The following ZNF763 variants were observed in gnomAD, a reference collection of about 807,000 sequenced individuals.
The protein encoded by ZNF763 is DNA-binding protein.
Under a neutral mutation model 38.0 loss-of-function variants are expected in ZNF763, and 33 were observed. The observed-to-expected ratio is 0.87, with a 90% CI of 0.66 to 1.16. The LOEUF is 1.16. ZNF763 is among the 50% of genes most tolerant of loss of function. The pLI is 0.00. For synonymous variants in ZNF763, 155 were observed against 160.1 expected, an observed-to-expected ratio of 0.97 and a Z score of 0.24; for missense variants, 423 against 469.1, an observed-to-expected ratio of 0.90 and a Z score of 0.91.
At position 11,978,528 on chromosome 19, in the gene ZNF763, T is replaced by C. The variant is rs1191986577; in HGVS notation, c.604T>C (p.Cys202Arg). 4 of 1,614,220 alleles carry C rather than the reference T, an allele frequency of 2.5e-6. No individual in the cohort carries two copies. The highest frequency in any genetic ancestry group is 3.3e-5 in the Admixed American group (2 of 60,024). ...VMHSGDGPYK[C>R]KFCGKAVHCL... ...GCACAGTGGGGATGGACCTTATAAATGTAAGTTTTGTGGGAAAGCTGTCCA... is the reference window on the plus strand; with the variant it reads ...GCACAGTGGGGATGGACCTTATAAACGTAAGTTTTGTGGGAAAGCTGTCCA... Residue 202 changes from cysteine (C) to arginine (R), a missense_variant, in exon 4 of 4, where the codon TGT becomes CGT. Physicochemically the swap from Cys to Arg is radical, Grantham distance 180. Coordinates refer to ENST00000358987, the MANE Select transcript of ZNF763 (RefSeq NM_001367172.2).
chr19:11,970,346 A>G lies in ZNF763; in HGVS notation c.3+5135A>G, dbSNP rs142231105. On this transcript the variant is annotated intron_variant, in intron 1 of 3. Transcript: ENST00000358987. ...GCTGAGTAAGTCCCATATGTGAGTT[A>G]ACCACATGGAGGAACTGGGAGGAGG... Among the ~76,000 whole-genome samples, 33 of 152,364 alleles carry G rather than the reference A, an allele frequency of 2.2e-4. No individual in the cohort carries two copies. The East Asian group carries it at 6.4e-3, about 29-fold the overall frequency.
rs932952578 is a variant in ZNF763, at chr19:11,965,132, G to C, written c.-77G>C. ...TGGTACCTCTACCCAGGTTTCTATC[G>C]CTCTGTCTCCTGCGCTGTGCCCTTC... On this transcript the variant is annotated 5_prime_UTR_variant, in exon 1 of 4. Transcript: ENST00000358987. 6.2e-6 allele frequency: 10 copies of C among 1,603,132 alleles called. No individual in the cohort carries two copies. Among genetic ancestry groups the C allele is most frequent in the Non-Finnish European group, 8.5e-6 (10 of 1,170,738 alleles).
chr19:11,967,035 T>A (rs576258704), intron 1 of ZNF763, among the ~76,000 whole-genome samples: 2 of 151,890 alleles, frequency 1.3e-5, no homozygotes, highest in South Asian at 4.2e-4. Flanking sequence ...GTGTAGAGAG[T>A]TTATTGAAAG....
intron 1 of ZNF763, among the ~76,000 whole-genome samples, chr19:11,970,544 A>G (rs1973329828): frequency 6.6e-6 from 1 of 152,250 alleles, no homozygotes; most frequent in Non-Finnish European, 1.5e-5. Flanking sequence ...TAGTAGATTG[A>G]TTATTCTCCT....
In ZNF763 at chr19:11,965,133, C is replaced by T; in HGVS notation, c.-76C>T. On this transcript the variant is annotated 5_prime_UTR_variant, in exon 1 of 4. Transcript: ENST00000358987. ...GGTACCTCTACCCAGGTTTCTATCG[C>T]TCTGTCTCCTGCGCTGTGCCCTTCT... 1 of 1,604,022 alleles carries T rather than the reference C, an allele frequency of 6.2e-7. No homozygotes were observed. The highest frequency in any genetic ancestry group is 1.1e-5 in the South Asian group (1 of 90,868).
Position 11,979,623 on chromosome 19 carries a change from C to A in ZNF763, c.*514C>A. On this transcript the variant is annotated 3_prime_UTR_variant, in exon 4 of 4. Transcript: ENST00000358987. Reference sequence around the variant, plus strand: ...GAAAGGACTCACACTGGAGAGAAACCCTATGAGTGTAAGCAATGTGGGAAA... The same window carrying A: ...GAAAGGACTCACACTGGAGAGAAACACTATGAGTGTAAGCAATGTGGGAAA... The A allele has an allele frequency of 6.2e-7, 1 of 1,605,844 alleles. No individual in the cohort carries two copies. The highest frequency in any genetic ancestry group is 8.5e-7 in the Non-Finnish European group (1 of 1,173,950).
chr19:11,976,955 A>G (rs1245442018), intron 1 of ZNF763, 83 bp from the exon 2 acceptor site: 8 of 1,580,722 alleles, frequency 5.1e-6, no homozygotes, highest in Non-Finnish European at 6.8e-6. Flanking sequence ...TTTGGAGTCC[A>G]CGGCAACTTC....
In ZNF763 at chr19:11,980,419, G is replaced by A. The variant is rs941556225; in HGVS notation, c.*1310G>A. The A allele has an allele frequency of 1.2e-5, 2 of 161,746 alleles. No individual in the cohort carries two copies. Among genetic ancestry groups the A allele is most frequent in the African/African-American group, 4.8e-5 (2 of 41,272 alleles). 10.0% of individuals were successfully genotyped at this position (161,746 alleles called of 1,614,324 possible). On this transcript the variant is annotated 3_prime_UTR_variant, in exon 4 of 4. Coordinates refer to ENST00000358987, the MANE Select transcript of ZNF763 (RefSeq NM_001367172.2). ...AAAAAAGACTTGGCCTTGTGGTGAGGGGATGTCAGCTCTAGACTCCTGGAG... is the reference window on the plus strand; with the variant it reads ...AAAAAAGACTTGGCCTTGTGGTGAGAGGATGTCAGCTCTAGACTCCTGGAG...
At chr19:11,970,474 G>T (rs556881842) in intron 1 of ZNF763, among the ~76,000 whole-genome samples, 5 of 152,306 alleles carry the variant, frequency 3.3e-5, no homozygotes, top group South Asian at 2.1e-4. Flanking sequence ...ATAAATAAAA[G>T]AATTCACTGT....
chr19:11,965,130 T>A lies in ZNF763; in HGVS notation c.-79T>A, dbSNP rs889401648. 2.5e-6 allele frequency: 4 copies of A among 1,602,684 alleles called. No homozygotes were observed. In the Admixed American group the frequency reaches 6.7e-5, roughly 27 times the overall value. On this transcript the variant is annotated 5_prime_UTR_variant, in exon 1 of 4. Coordinates refer to ENST00000358987, the MANE Select transcript of ZNF763 (RefSeq NM_001367172.2). ...CCTGGTACCTCTACCCAGGTTTCTATCGCTCTGTCTCCTGCGCTGTGCCCT... is the reference window on the plus strand; with the variant it reads ...CCTGGTACCTCTACCCAGGTTTCTAACGCTCTGTCTCCTGCGCTGTGCCCT...
Position 11,979,831 on chromosome 19 carries a change from C to A in ZNF763, c.*722C>A. On this transcript the variant is annotated 3_prime_UTR_variant, in exon 4 of 4. Transcript: ENST00000358987. ...AATGTGGGAAAGCCTTCAGATCTGC[C>A]AAGAACCTTCGAATTCATGAAAGGA... The A allele has an allele frequency of 1.3e-6, 2 of 1,556,090 alleles. No homozygotes were observed. Among genetic ancestry groups the A allele is most frequent in the Non-Finnish European group, 1.8e-6 (2 of 1,130,394 alleles).
At chr19:11,969,437 G>A (rs896832059) in intron 1 of ZNF763, among the ~76,000 whole-genome samples, 1 of 151,942 alleles carries the variant, frequency 6.6e-6, no homozygotes, top group African/African-American at 2.4e-5. Flanking sequence ...TATATAGGTA[G>A]AAAATTTCTA....
intron 1 of ZNF763, among the ~76,000 whole-genome samples, chr19:11,976,468 A>G (rs763534297): frequency 6.7e-6 from 1 of 149,944 alleles, no homozygotes; most frequent in Admixed American, 6.7e-5. Context: ...AGTCATAAGA[A>G]TTGCATGAAC....
intron 1 of ZNF763, 69 bp downstream of exon 1, chr19:11,965,280 G>A: frequency 6.2e-7 from 1 of 1,606,600 alleles, no homozygotes; most frequent in African/African-American, 1.3e-5. Flanking sequence ...AACCGGCTGC[G>A]GCGGGACCCG....
intron 1 of ZNF763, among the ~76,000 whole-genome samples, chr19:11,970,243 T>C (rs1973323364): frequency 6.6e-6 from 1 of 152,084 alleles, no homozygotes; most frequent in South Asian, 2.1e-4. Flanking sequence ...AAGAGAGAAA[T>C]ATCCCAAAAG....
Position 11,980,165 on chromosome 19 carries a change from A to T in ZNF763, c.*1056A>T. On this transcript the variant is annotated 3_prime_UTR_variant, in exon 4 of 4. Coordinates refer to ENST00000358987, the MANE Select transcript of ZNF763 (RefSeq NM_001367172.2). Reference sequence around the variant, plus strand: ...GAAACCAAAGCAGGTGAATCACCTGAGGTCAGGAGTTCAAGACTGGCCTGA... The same window carrying T: ...GAAACCAAAGCAGGTGAATCACCTGTGGTCAGGAGTTCAAGACTGGCCTGA... The T allele has an allele frequency of 1.6e-6, 1 of 643,040 alleles. No homozygotes were observed. The allele number at this position is 643,040 out of a possible 1,614,324, so 39.8% of individuals were successfully genotyped here.
chr19:11,973,353 G>A (rs778181632), intron 1 of ZNF763, among the ~76,000 whole-genome samples: 1 of 152,072 alleles, frequency 6.6e-6, no homozygotes, highest in Non-Finnish European at 1.5e-5. Flanking sequence ...AAGGTCTCTC[G>A]ATACCTTTGT....
intron 1 of ZNF763, among the ~76,000 whole-genome samples, chr19:11,972,254 C>T (rs1357067865): frequency 6.6e-6 from 1 of 151,270 alleles, no homozygotes; most frequent in Non-Finnish European, 1.5e-5. Flanking sequence ...CACCACACTC[C>T]AGCCTGGGCA....
chr19:11,977,016 C>T, intron 1 of ZNF763, 22 bp from the exon 2 acceptor site: 2 of 1,613,932 alleles, frequency 1.2e-6, no homozygotes, highest in Non-Finnish European at 1.7e-6. Context: ...CCAGCCTCCT[C>T]TACACATGTG....
Sources: allele counts gnomAD v4.1 joint callset (sites outside exome capture counted in the v4.1 genomes callset), GRCh38; gene constraint gnomAD v4.1.1; transcripts MANE v1.5; gene names NCBI Gene and HGNC (gene_info 2026-07-23, HGNC 2026-07-21).